ANKRD65: variants seen among roughly 807,000 people sequenced by gnomAD.
The protein encoded by ANKRD65 is ankyrin repeat domain-containing protein 65.
ANKRD65 carries 26 observed loss-of-function variants against 17.2 expected under a neutral mutation model. The observed-to-expected ratio is 1.51, with a 90% confidence interval of 1.11 to 2.09. The LOEUF is 2.09. ANKRD65 is among the 30% of genes most tolerant of loss of function. The pLI, the probability that ANKRD65 is intolerant of heterozygous loss-of-function variation, is 0.00. For missense variants in ANKRD65, 621 were observed against 542.2 expected, an observed-to-expected ratio of 1.15 and a Z score of -1.44; for synonymous variants, 311 against 272.2, an observed-to-expected ratio of 1.14 and a Z score of -1.40.
rs1165778151 is a variant in ANKRD65 at position 1,418,593 on chromosome 1, T to G, written c.*507A>C. 6.5e-6 allele frequency: 1 copy of G among 152,784 alleles called. No individual in the cohort carries two copies. The highest frequency in any genetic ancestry group is 2.4e-5 in the African/African-American group (1 of 41,472). 9.5% of individuals were successfully genotyped at this position (152,784 alleles called of 1,614,324 possible). A position where few individuals can be genotyped will look rare whatever the true frequency, so the allele number is the denominator to read the frequency against. ...CAGGCGGTACGTGACAGGGGCTGCA[T>G]GCACCGGCGGTCAGAGAGAAACAGA... On this transcript the variant is annotated 3_prime_UTR_variant, in exon 4 of 4. Transcript: ENST00000537107.
rs534554090 is a variant in ANKRD65 at position 1,419,134 on chromosome 1, TC to T, written c.1165del (p.Glu389ArgfsTer7). The T allele has an allele frequency of 2.0e-4, 299 of 1,530,276 alleles. 1 individual carries two copies. The African/African-American group carries it at 3.7e-3, about 19-fold the overall frequency. The allele number at this position is 1,530,276 out of a possible 1,614,324, so 94.8% of individuals were successfully genotyped here. A position where few individuals can be genotyped will look rare whatever the true frequency, so the allele number is the denominator to read the frequency against. ...PQALPELGGG[E>X]KECEGIESTG is the part of the protein sequence containing the mutation. The stretch of plus-strand genomic sequence containing the variant: ...GGACTCTATGCCCTCACACTCCTTC[TC>T]CCCCCCTCCAAGTTCAGGCAGCGCC... On this transcript the variant is annotated frameshift_variant, in exon 4 of 4. Coordinates refer to ENST00000537107, the MANE Select transcript of ANKRD65 (RefSeq NM_001145210.3). LOFTEE classifies it low-confidence loss of function (END_TRUNC).
intron 2 of ANKRD65, 84 bp downstream of exon 2, chr1:1,420,713 G>T: frequency 7.0e-7 from 1 of 1,436,342 alleles, no homozygotes; most frequent in East Asian, 2.6e-5. Flanking sequence ...TCCAGAGAAG[G>T]GACTCCTCCA....
chr1:1,420,515 C>G lies in ANKRD65; in HGVS notation c.287G>C (p.Arg96Pro), dbSNP rs1395101291. Residue 96 changes from arginine to proline, a missense_variant, in exon 3 of 4, where the codon CGA becomes CCA. Transcript: ENST00000537107. ...GTCCACCGCGCCCACCGGGGCCCCT[C>G]GCTGCAGCAGGAGACGCACCAGGGG... The part of the protein sequence containing the change: ...HAPLVRLLLQ[R>P]GAPVGAVDRA... The G allele has an allele frequency of 1.6e-6, 2 of 1,277,072 alleles. No individual in the cohort carries two copies. Among genetic ancestry groups the G allele is most frequent in the Middle Eastern group, 2.9e-4 (1 of 3,404 alleles). The allele number at this position is 1,277,072 out of a possible 1,614,324, so 79.1% of individuals were successfully genotyped here.
In ANKRD65 at chr1:1,420,914, G is replaced by C; in HGVS notation, c.92C>G (p.Thr31Ser). 1 of 1,550,704 alleles carries C rather than the reference G, an allele frequency of 6.4e-7. No homozygotes were observed. Among genetic ancestry groups the C allele is most frequent in the African/African-American group, 1.4e-5 (1 of 73,190 alleles). Residue 31 changes from threonine to serine, a missense_variant, in exon 2 of 4, where the codon ACC (threonine) becomes AGC (serine). Transcript: ENST00000537107. The stretch of plus-strand genomic sequence containing the variant: ...GACAACACTAGGCCCCTCTGTCCTG[G>C]TTCCCAGGGCCTCTTCGGAGTCCAG... ...MELDSEEALGTRTEGPSVVQG... is the reference protein window; with the variant it reads ...MELDSEEALGSRTEGPSVVQG...
chr1:1,420,048 G>A lies in ANKRD65; in HGVS notation c.750+4C>T. On this transcript the variant is annotated splice_donor_region_variant and intron_variant, in intron 3 of 3. Coordinates refer to ENST00000537107, the MANE Select transcript of ANKRD65 (RefSeq NM_001145210.3). ...ATCACTGCCGGGCGGAGGGCGGGAC[G>A]TACCTGGGAGCGGCCTAGGGCGGCC... 1 of 1,274,764 alleles carries A rather than the reference G, an allele frequency of 7.8e-7. No individual in the cohort carries two copies. Among genetic ancestry groups the A allele is most frequent in the Non-Finnish European group, 9.9e-7 (1 of 1,010,932 alleles). The allele number at this position is 1,274,764 out of a possible 1,614,324, so 79.0% of individuals were successfully genotyped here. A position where few individuals can be genotyped will look rare whatever the true frequency, so the allele number is the denominator to read the frequency against.
At position 1,421,015 on chromosome 1, in the gene ANKRD65, A is replaced by G. The variant is rs1313521457; in HGVS notation, c.1-10T>C. On this transcript the variant is annotated splice_polypyrimidine_tract_variant and intron_variant, in intron 1 of 3. Transcript: ENST00000537107. ...GCCTCTGGGAGTCCATCTGGGGGGGAGCAGGGATCCTACATCCACTGTGGA... is the reference window on the plus strand; with the variant it reads ...GCCTCTGGGAGTCCATCTGGGGGGGGGCAGGGATCCTACATCCACTGTGGA... 2.6e-6 allele frequency: 4 copies of G among 1,548,812 alleles called. No homozygotes were observed. Among genetic ancestry groups the G allele is most frequent in the South Asian group, 1.2e-5 (1 of 83,948 alleles).
At chr1:1,419,684 TG>T (rs1422901020) in intron 3 of ANKRD65, 135 bp from the exon 4 acceptor site, 1 of 881,656 alleles carries the variant, frequency 1.1e-6, no homozygotes, top group Admixed American at 2.9e-5. Flanking sequence ...CCTCATGTTG[TG>T]AGGCCGAACC....
At position 1,419,121 on chromosome 1, in the gene ANKRD65, C is replaced by T. The variant is rs1395682109; in HGVS notation, c.1179G>A (p.Glu393=). The change falls in exon 4 of 4, where the codon GAG becomes GAA. Residue 393 remains glutamate, a synonymous_variant. Coordinates refer to ENST00000537107, the MANE Select transcript of ANKRD65 (RefSeq NM_001145210.3). The stretch of plus-strand genomic sequence containing the variant: ...TGGCTCAGCCCGTGGACTCTATGCC[C>T]TCACACTCCTTCTCCCCCCCTCCAA... ...PELGGGEKEC[E]GIESTG is the part of the protein sequence containing the mutation. The T allele has an allele frequency of 4.6e-6, 7 of 1,521,388 alleles. No homozygotes were observed. Among genetic ancestry groups the T allele is most frequent in the Non-Finnish European group, 6.2e-6 (7 of 1,128,712 alleles). The allele number at this position is 1,521,388 out of a possible 1,614,324, so 94.2% of individuals were successfully genotyped here.
chr1:1,418,990 C>T lies in ANKRD65; in HGVS notation c.*110G>A. On this transcript the variant is annotated 3_prime_UTR_variant, in exon 4 of 4. Coordinates refer to ENST00000537107, the MANE Select transcript of ANKRD65 (RefSeq NM_001145210.3). ...CTCAAGCCACATCCCCTACTTTCTC[C>T]CATCCCCTCCTCCGGAAGCCTCTTC... 1.6e-6 allele frequency: 2 copies of T among 1,253,440 alleles called. No homozygotes were observed. Among genetic ancestry groups the T allele is most frequent in the Admixed American group, 2.9e-5 (1 of 34,536 alleles). 77.6% of individuals were successfully genotyped at this position (1,253,440 alleles called of 1,614,324 possible). A position where few individuals can be genotyped will look rare whatever the true frequency, so the allele number is the denominator to read the frequency against.
chr1:1,420,374 GGCGTGAGGCCC>G lies in ANKRD65; in HGVS notation c.417_427del (p.Gly140AlafsTer110). On this transcript the variant is annotated frameshift_variant, in exon 3 of 4. Transcript: ENST00000537107. LOFTEE classifies it high-confidence loss of function. ...GCCCAGGGCAGCGGCCCAGTGCAGC[GGCGTGAGGCCC>G]GTCCCGGAGCGAGCCGCCGCCGAGG... 1.6e-6 allele frequency: 2 copies of G among 1,284,988 alleles called. No homozygotes were observed. The highest frequency in any genetic ancestry group is 2.0e-6 in the Non-Finnish European group (2 of 1,009,718). The allele number at this position is 1,284,988 out of a possible 1,614,324, so 79.6% of individuals were successfully genotyped here. A position where few individuals can be genotyped will look rare whatever the true frequency, so the allele number is the denominator to read the frequency against.
chr1:1,420,485 G>A lies in ANKRD65; in HGVS notation c.317C>T (p.Ala106Val), dbSNP rs1377104735. The A allele has an allele frequency of 3.1e-6, 4 of 1,273,090 alleles. No homozygotes were observed. In the South Asian group the frequency reaches 8.7e-5, roughly 28 times the overall value. 78.9% of individuals were successfully genotyped at this position (1,273,090 alleles called of 1,614,324 possible). A position where few individuals can be genotyped will look rare whatever the true frequency, so the allele number is the denominator to read the frequency against. Residue 106 changes from alanine (A) to valine (V), a missense_variant, in exon 3 of 4, where the codon GCG (alanine) becomes GTG (valine). Transcript: ENST00000537107. ...RGAPVGAVDR[A>V]GRTALHEAAW... is the part of the protein sequence containing the mutation. ...GGCCTCGTGCAGCGCGGTGCGCCCC[G>A]CCCGGTCCACCGCGCCCACCGGGGC...
At chr1:1,420,749 C>T (rs1010767570) in intron 2 of ANKRD65, 48 bp downstream of exon 2, 1 of 1,507,666 alleles carries the variant, frequency 6.6e-7, no homozygotes, top group Non-Finnish European at 8.9e-7. Context: ...GACCCCCATC[C>T]TGCCCCACCC....
In ANKRD65 at chr1:1,419,386, G is replaced by T. The variant is rs1204162601; in HGVS notation, c.914C>A (p.Pro305His). The T allele has an allele frequency of 3.2e-6, 5 of 1,550,070 alleles. No homozygotes were observed. The East Asian group carries it at 7.3e-5, about 23-fold the overall frequency. ...VDARDTLGLTPLHHASREGHV... is the reference protein window; with the variant it reads ...VDARDTLGLTHLHHASREGHV... Reference sequence around the variant, plus strand: ...GCCTTCCCGAGAGGCGTGATGCAGGGGTGTGAGGCCCAGGGTGTCCCGCGC... The same window carrying T: ...GCCTTCCCGAGAGGCGTGATGCAGGTGTGTGAGGCCCAGGGTGTCCCGCGC... Residue 305 changes from proline (P) to histidine (H), a missense_variant, in exon 4 of 4, where the codon CCC (proline) becomes CAC (histidine). Transcript: ENST00000537107.
At position 1,418,716 on chromosome 1, in the gene ANKRD65, T is replaced by G; in HGVS notation, c.*384A>C. 1 of 184,652 alleles carries G rather than the reference T, an allele frequency of 5.4e-6. No individual in the cohort carries two copies. 11.4% of individuals were successfully genotyped at this position (184,652 alleles called of 1,614,324 possible). A position where few individuals can be genotyped will look rare whatever the true frequency, so the allele number is the denominator to read the frequency against. Reference sequence around the variant, plus strand: ...TATGAATTGATTTTCAACTACTGGGTTTAGGCCAGGCAGGCGCAGGCCTGG... The same window carrying G: ...TATGAATTGATTTTCAACTACTGGGGTTAGGCCAGGCAGGCGCAGGCCTGG... On this transcript the variant is annotated 3_prime_UTR_variant, in exon 4 of 4. Transcript: ENST00000537107.
At position 1,420,295 on chromosome 1, in the gene ANKRD65, T is replaced by TGCCGCGG; in HGVS notation, c.500_506dup (p.Ala170ArgfsTer86). 1 of 1,049,732 alleles carries TGCCGCGG rather than the reference T, an allele frequency of 9.5e-7. No individual in the cohort carries two copies. The highest frequency in any genetic ancestry group is 1.1e-6 in the Non-Finnish European group (1 of 875,226). 65.0% of individuals were successfully genotyped at this position (1,049,732 alleles called of 1,614,324 possible). ...AGCCGCGCGCGTCCTCCGCCTCCGC[T>TGCCGCGG]GCCGCGGGTCCCGGGCCCGGAGCCT... On this transcript the variant is annotated frameshift_variant, in exon 3 of 4. Transcript: ENST00000537107. LOFTEE classifies it high-confidence loss of function.
In ANKRD65 at chr1:1,420,203, C is replaced by A. The variant is rs1781133; in HGVS notation, c.599G>T (p.Gly200Val). The change falls in exon 3 of 4, where the codon GGC (glycine) becomes GTC (valine). Residue 200 changes from glycine to valine, a missense_variant. Transcript: ENST00000537107. ...GAGCAGGGCGCCGTCCAGGCCCGCG[C>A]CGCCGGCCGCCAGCAGCTCCAGCAC... Reference protein sequence around the residue: ...LAVLELLAAGGAGLDGALLVA... With the variant: ...LAVLELLAAGVAGLDGALLVA... The A allele has an allele frequency of 0.11, 105,401 of 996,702 alleles. 10,252 individuals carry two copies. Among genetic ancestry groups the A allele is most frequent in the African/African-American group, 0.48 (27,353 of 57,100 alleles). 61.7% of individuals were successfully genotyped at this position (996,702 alleles called of 1,614,324 possible). A position where few individuals can be genotyped will look rare whatever the true frequency, so the allele number is the denominator to read the frequency against.
rs1246834213 is a variant in ANKRD65 at position 1,419,232 on chromosome 1, G to A, written c.1068C>T (p.Ser356=). Residue 356 remains serine (S), a synonymous_variant, in exon 4 of 4, where the codon AGC becomes AGT. Transcript: ENST00000537107. Reference sequence around the variant, plus strand: ...TCCGCAGAGTGGGGCTGGCCCCTCGGCTCAGCAGAAGCCCCACGGTAGGCC... The same window carrying A: ...TCCGCAGAGTGGGGCTGGCCCCTCGACTCAGCAGAAGCCCCACGGTAGGCC... ...GHGPTVGLLL[S]RGASPTLRTQ... 6.5e-7 allele frequency: 1 copy of A among 1,550,350 alleles called. No homozygotes were observed.
chr1:1,420,848 G>A lies in ANKRD65; in HGVS notation c.158C>T (p.Pro53Leu). The part of the protein sequence containing the change: ...GHLLQAVWRG[P>L]AGLVTQLLRQ... ...CAGCAGCTGCGTCACCAGGCCTGCA[G>A]GGCCCCTCCACACGGCCTGGAGCAG... Residue 53 changes from proline (P) to leucine (L), a missense_variant, in exon 2 of 4, where the codon CCT becomes CTT. By Grantham distance (98) the Pro-to-Leu change is moderately conservative (BLOSUM62 -3). Transcript: ENST00000537107. 1 of 1,549,688 alleles carries A rather than the reference G, an allele frequency of 6.5e-7. No homozygotes were observed.
chr1:1,420,741 C>T (rs1318973416), intron 2 of ANKRD65, 56 bp downstream of exon 2: 10 of 1,482,980 alleles, frequency 6.7e-6, no homozygotes, highest in Non-Finnish European at 9.0e-6. Context: ...AGTGCTGGGA[C>T]CCCCATCCTG....
Sources: allele counts gnomAD v4.1 joint callset, GRCh38; gene constraint gnomAD v4.1.1; transcripts MANE v1.5; gene names NCBI Gene and HGNC (gene_info 2026-07-23, HGNC 2026-07-21).